RCOR2: variants seen among roughly 807,000 people sequenced by gnomAD.
RCOR2 encodes the protein REST corepressor 2.
RCOR2 carries 19 observed loss-of-function variants against 58.9 expected under a neutral mutation model. The ratio of observed to expected loss-of-function variants is 0.32; its 90% CI spans 0.23 to 0.47. The LOEUF is 0.47. Among genes scored for constraint, RCOR2 ranks in the 20% least tolerant of loss-of-function variants. RCOR2 has a pLI of 1.00. For missense variants in RCOR2, 590 were observed against 707.9 expected (o/e 0.83, Z 1.89); for synonymous variants, 286 against 278.7 (o/e 1.03, Z -0.26).
At chr11:63,917,314 GA>G (rs1941874761), upstream of RCOR2, among the ~76,000 whole-genome samples, 1 of 152,096 alleles carries the variant, frequency 6.6e-6, no homozygotes, top group Non-Finnish European at 1.5e-5. Flanking sequence ...CAGGGGGTGG[GA>G]TCAGGACCCT....
At chr11:63,919,802 A>G (rs1184231199), upstream of RCOR2, among the ~76,000 whole-genome samples, 1 of 152,316 alleles carries the variant, frequency 6.6e-6, no homozygotes, top group East Asian at 1.9e-4. Flanking sequence ...TCACCCTTCC[A>G]CTGGAAGCGA....
chr11:63,913,472 G>A (rs1165880911), intron 8 of RCOR2, among the ~76,000 whole-genome samples: 3 of 141,150 alleles, frequency 2.1e-5, no homozygotes, highest in Non-Finnish European at 4.6e-5. Flanking sequence ...TTACAGGTAT[G>A]AGCCACCGTG....
intron 2 of RCOR2, 52 bp from the exon 3 acceptor site, chr11:63,915,310 A>G: frequency 6.7e-7 from 1 of 1,495,776 alleles, no homozygotes; most frequent in Non-Finnish European, 9.1e-7. Context: ...CTGGTGGCAC[A>G]AGCCTAGACC....
chr11:63,921,202 G>T (rs1941913945), upstream of RCOR2, among the ~76,000 whole-genome samples: 1 of 152,206 alleles, frequency 6.6e-6, no homozygotes, highest in South Asian at 2.1e-4. Flanking sequence ...GACTCCATGA[G>T]GGGGAGCCTG....
At chr11:63,913,491 A>T (rs868611118) in intron 8 of RCOR2, among the ~76,000 whole-genome samples, 14 of 126,738 alleles carry the variant, frequency 1.1e-4, no homozygotes, top group South Asian at 2.5e-4. Flanking sequence ...TGCTCGGCCT[A>T]TTTTTTTTTG....
chr11:63,916,386 G>A lies in RCOR2; in HGVS notation c.71C>T (p.Pro24Leu). Residue 24 changes from proline to leucine, a missense_variant, in exon 1 of 12, where the codon CCC (proline) becomes CTC (leucine). Physicochemically the swap from Pro to Leu is moderately conservative, Grantham distance 98. This residue lies in a region of RCOR2 where 390 missense variants were observed against 478.7 expected (regional missense o/e 0.81). Coordinates refer to ENST00000301459, the MANE Select transcript of RCOR2 (RefSeq NM_173587.4). ...ILSRSRAKTV[P>L]NGGQPHSEDD... Reference sequence around the variant, plus strand: ...CTCCGAGTGGGGCTGTCCGCCGTTGGGCACCGTCTTGGCCCGGCTACGGGA... The same window carrying A: ...CTCCGAGTGGGGCTGTCCGCCGTTGAGCACCGTCTTGGCCCGGCTACGGGA... 1.9e-6 allele frequency: 3 copies of A among 1,607,872 alleles called. No individual in the cohort carries two copies. Among genetic ancestry groups the A allele is most frequent in the Non-Finnish European group, 2.5e-6 (3 of 1,177,880 alleles).
At chr11:63,926,112 T>A in the RCOR2 span, among the ~76,000 whole-genome samples, 1 of 152,076 alleles carries the variant, frequency 6.6e-6, no homozygotes, top group South Asian at 2.1e-4. Flanking sequence ...GGTTTCACCA[T>A]GTTAGTCAGG....
chr11:63,919,584 T>G (rs1199125619), upstream of RCOR2, among the ~76,000 whole-genome samples: 1 of 151,382 alleles, frequency 6.6e-6, no homozygotes, highest in Non-Finnish European at 1.5e-5. Flanking sequence ...GCCAGGAACA[T>G]GGGGGTGTGG....
intron 3 of RCOR2, 35 bp from the exon 4 acceptor site, chr11:63,914,989 G>A (rs1268817333): frequency 6.2e-7 from 1 of 1,612,960 alleles, no homozygotes; most frequent in Admixed American, 1.7e-5. Flanking sequence ...CTTGGTGAAG[G>A]GGGTTATAGC....
At position 63,911,637 on chromosome 11, in the gene RCOR2, C is replaced by T; in HGVS notation, c.*228G>A. On this transcript the variant is annotated 3_prime_UTR_variant, in exon 12 of 12. Transcript: ENST00000301459. ...GTACCGGCCAGGAAGCGAAAGTGCC[C>T]TCAGGCCAGCTCAAAGGCCCCTGAG... 1.7e-6 allele frequency: 1 copy of T among 587,294 alleles called. No homozygotes were observed. Among genetic ancestry groups the T allele is most frequent in the Non-Finnish European group, 2.7e-6 (1 of 375,042 alleles). The allele number at this position is 587,294 out of a possible 1,614,324, so 36.4% of individuals were successfully genotyped here.
chr11:63,918,205 A>C (rs992717329), upstream of RCOR2, among the ~76,000 whole-genome samples: 1 of 141,158 alleles, frequency 7.1e-6, no homozygotes, highest in African/African-American at 2.6e-5. Context: ...CCGAGCCCGC[A>C]CTCGCGCCCT....
At chr11:63,917,953 G>A (rs1565162716), upstream of RCOR2, among the ~76,000 whole-genome samples, 1 of 152,070 alleles carries the variant, frequency 6.6e-6, no homozygotes, top group African/African-American at 2.4e-5. Flanking sequence ...CGGAGATGGG[G>A]GAGGGGGTGG....
rs1415571714 is a variant in RCOR2, at chr11:63,914,119, C to T, written c.726G>A (p.Glu242=). 6.2e-7 allele frequency: 1 copy of T among 1,613,946 alleles called. No homozygotes were observed. Among genetic ancestry groups the T allele is most frequent in the African/African-American group, 1.3e-5 (1 of 75,056 alleles). ...LNARPGPGKK[E]VQVSQYRHHP... is the part of the protein sequence containing the mutation. ...GGTGGCGGTACTGAGACACCTGGAC[C>T]TCCTTTTTCCCAGGGCCTGGGCGTG... The change falls in exon 8 of 12, where the codon GAG becomes GAA. Residue 242 remains glutamate (E), a synonymous_variant. Transcript: ENST00000301459.
At chr11:63,923,261 C>T in the RCOR2 span, among the ~76,000 whole-genome samples, 1 of 151,982 alleles carries the variant, frequency 6.6e-6, no homozygotes, top group East Asian at 1.9e-4. Flanking sequence ...CTTCCCCCCT[C>T]ATCACATGAA....
the RCOR2 span, among the ~76,000 whole-genome samples, chr11:63,924,361 C>T: frequency 9.9e-5 from 15 of 152,282 alleles, no homozygotes; most frequent in African/African-American, 3.6e-4. Flanking sequence ...GCATGCACCA[C>T]CATACCTGAC....
rs1020053570 is a variant in RCOR2, at chr11:63,915,569, G to A, written c.170C>T (p.Pro57Leu). 1.3e-6 allele frequency: 2 copies of A among 1,525,538 alleles called. No homozygotes were observed. Among genetic ancestry groups the A allele is most frequent in the East Asian group, 2.5e-5 (1 of 40,088 alleles). 94.5% of individuals were successfully genotyped at this position (1,525,538 alleles called of 1,614,324 possible). Residue 57 changes from proline to leucine, a missense_variant, in exon 2 of 12, where the codon CCG (proline) becomes CTG (leucine). Pro to Leu is a moderately conservative substitution (Grantham distance 98). Transcript: ENST00000301459. ...CTGCGGCTCACCAGGCTTGCACTCC[G>A]GAATTACGGCCTGGTAATTGGTTCC... ...RVGTNYQAVI[P>L]ECKPESPARY... is the part of the protein sequence containing the mutation.
chr11:63,925,850 G>A, the RCOR2 span, among the ~76,000 whole-genome samples: 21 of 150,460 alleles, frequency 1.4e-4, no homozygotes, highest in African/African-American at 2.4e-4. Context: ...ACCTGAACCC[G>A]GAGGTGGAGG....
chr11:63,917,236 T>C (rs2134249833), upstream of RCOR2, among the ~76,000 whole-genome samples: 2 of 140,494 alleles, frequency 1.4e-5, no homozygotes, highest in South Asian at 4.5e-4. Context: ...CTCCGCCAGC[T>C]GAACATCTGG....
the RCOR2 span, among the ~76,000 whole-genome samples, chr11:63,926,100 G>A: frequency 5.9e-5 from 9 of 151,960 alleles, no homozygotes; most frequent in Non-Finnish European, 1.3e-4. Context: ...TAGTAGAGAC[G>A]GGGTTTCACC....
Sources: gnomAD v4.1 joint callset for allele counts (sites outside exome capture counted in the v4.1 genomes callset) on GRCh38, gnomAD v4.1.1 for gene constraint, gnomAD v4.1.1 regional missense constraint, MANE v1.5 for transcripts, NCBI Gene and HGNC (gene_info 2026-07-23, HGNC 2026-07-21) for gene names.